Variants in COPS4 observed in about 807,000 individuals in gnomAD.
COPS4 encodes COP9 signalosome subunit 4.
Under a neutral mutation model 55.1 loss-of-function variants are expected in COPS4, and 8 were observed. That is an observed-to-expected ratio of 0.15 (90% CI 0.09 to 0.26). The LOEUF (loss-of-function observed/expected upper bound fraction) is 0.26, where lower values mean the gene tolerates loss of function less well. Ranked by LOEUF, COPS4 falls within the 10% of genes least tolerant of loss-of-function variation. The pLI is 1.00. For synonymous variants in COPS4, 185 were observed against 165.7 expected (o/e 1.12, Z -0.90); for missense variants, 248 against 484.0 (o/e 0.51, Z 4.58).
chr4:83,049,344 A>C, intron 3 of COPS4, 27 bp downstream of exon 3: 1 of 1,545,242 alleles, frequency 6.5e-7, no homozygotes, highest in South Asian at 1.2e-5. Flanking sequence ...GTGGTTTTTT[A>C]ACTTGAGATA....
chr4:83,075,190 C>T, intron 9 of COPS4, 107 bp from the exon 10 acceptor site: 1 of 910,712 alleles, frequency 1.1e-6, no homozygotes, highest in Non-Finnish European at 1.6e-6. Context: ...TTAAAAGGAA[C>T]ATGCCTCTTC....
At chr4:83,046,438 A>T (rs374251446) in intron 2 of COPS4, among the ~76,000 whole-genome samples, 1 of 152,240 alleles carries the variant, frequency 6.6e-6, no homozygotes, top group African/African-American at 2.4e-5. Context: ...CTGAGTATAT[A>T]TCCAAAAGAA....
Position 83,067,515 on chromosome 4 carries a change from C to T in COPS4, c.1003-923C>T, listed in dbSNP as rs746798409. On this transcript the variant is annotated intron_variant, in intron 8 of 9. Transcript: ENST00000264389. Reference sequence around the variant, plus strand: ...CTGGGATTACAAGTGTGAGTCACCACGCCCAGCCCTTTTTTTTTTTTTTTT... The same window carrying T: ...CTGGGATTACAAGTGTGAGTCACCATGCCCAGCCCTTTTTTTTTTTTTTTT... Among the ~76,000 whole-genome samples the T allele has an allele frequency of 1.1e-3, 167 of 145,916 alleles. 1 individual carries two copies. The highest frequency in any genetic ancestry group is 2.1e-3 in the Non-Finnish European group (140 of 67,336).
chr4:83,037,826 G>A (rs973363502), intron 1 of COPS4, among the ~76,000 whole-genome samples: 69 of 152,066 alleles, frequency 4.5e-4, no homozygotes, highest in Non-Finnish European at 3.4e-4. Flanking sequence ...TTCAATAAAC[G>A]TGGTTGAATT....
intron 1 of COPS4, 23 bp from the exon 2 acceptor site, chr4:83,045,603 A>G: frequency 6.4e-7 from 1 of 1,573,588 alleles, no homozygotes; most frequent in Non-Finnish European, 8.7e-7. Flanking sequence ...TCAGAACATT[A>G]TTTTCATTTG....
chr4:83,045,853 TA>T, intron 2 of COPS4, 148 bp downstream of exon 2: 1 of 562,472 alleles, frequency 1.8e-6, no homozygotes, highest in South Asian at 2.5e-5. Flanking sequence ...ACAACTTGAT[TA>T]ATTTTCAGTG....
intron 4 of COPS4, among the ~76,000 whole-genome samples, chr4:83,050,649 G>T (rs772312579): frequency 8.5e-5 from 13 of 152,102 alleles, no homozygotes; most frequent in Non-Finnish European, 1.6e-4. Context: ...GAGATGGCTA[G>T]TGCAAAGGCC....
intron 4 of COPS4, among the ~76,000 whole-genome samples, chr4:83,054,338 T>C (rs1036758768): frequency 6.6e-6 from 1 of 150,754 alleles, no homozygotes; most frequent in Non-Finnish European, 1.5e-5. Context: ...CGAGACTCCA[T>C]CTCAAAAACA....
rs758400816 is a variant in COPS4 at position 83,035,272 on chromosome 4, C to T, written c.48C>T (p.Ser16=). Residue 16 remains serine (S), a synonymous_variant, in exon 1 of 10, where the codon AGC becomes AGT. Coordinates refer to ENST00000264389, the MANE Select transcript of COPS4 (RefSeq NM_016129.3). ...RQDLAQLMNS[S]GSHKDLAGKY... The stretch of plus-strand genomic sequence containing the variant: ...ATTTGGCCCAGCTCATGAATTCGAG[C>T]GGCTCTCATAAAGATCTGGCTGGCA... The T allele has an allele frequency of 3.8e-6, 6 of 1,568,412 alleles. No individual in the cohort carries two copies. The African/African-American group carries it at 6.8e-5, about 18-fold the overall frequency.
intron 4 of COPS4, among the ~76,000 whole-genome samples, chr4:83,055,611 T>G (rs1730994419): frequency 2.0e-5 from 3 of 151,960 alleles, no homozygotes; most frequent in African/African-American, 7.2e-5. Flanking sequence ...GCCTGGCTAA[T>G]TTTTTTATTT....
chr4:83,051,726 T>G (rs114406276), intron 4 of COPS4, among the ~76,000 whole-genome samples: 1 of 152,222 alleles, frequency 6.6e-6, no homozygotes, highest in Non-Finnish European at 1.5e-5. Context: ...GGACTAGATA[T>G]ACATATTTGG....
rs748569335 is a variant in COPS4 at position 83,066,415 on chromosome 4, T to C, written c.887-23T>C. ...GAGTATAAAACTAGTTTCAAACTTG[T>C]AACTGTCTTATTTATGTTTAAGGTT... is the stretch of plus-strand genomic sequence containing the variant. On this transcript the variant is annotated intron_variant, in intron 7 of 9. Coordinates refer to ENST00000264389, the MANE Select transcript of COPS4 (RefSeq NM_016129.3). 6.4e-6 allele frequency: 8 copies of C among 1,248,858 alleles called. No individual in the cohort carries two copies. The African/African-American group carries it at 1.2e-4, about 19-fold the overall frequency. 77.4% of individuals were successfully genotyped at this position (1,248,858 alleles called of 1,614,324 possible).
chr4:83,041,052 T>C (rs1730555516), intron 1 of COPS4, among the ~76,000 whole-genome samples: 1 of 151,694 alleles, frequency 6.6e-6, no homozygotes, highest in South Asian at 2.1e-4. Flanking sequence ...CCATAAGTTT[T>C]TTTTTTTTGT....
At chr4:83,036,627 G>A (rs911483933) in intron 1 of COPS4, among the ~76,000 whole-genome samples, 1 of 152,176 alleles carries the variant, frequency 6.6e-6, no homozygotes, top group African/African-American at 2.4e-5. Flanking sequence ...CTTATATCAC[G>A]TAGAACAGTA....
intron 1 of COPS4, among the ~76,000 whole-genome samples, chr4:83,044,115 T>C (rs779249717): frequency 3.3e-5 from 5 of 152,244 alleles, no homozygotes; most frequent in Non-Finnish European, 7.3e-5. Context: ...ATTGCAATGC[T>C]ATGAGGTTTG....
In COPS4 at chr4:83,044,334, A is replaced by G. The variant is rs146412378; in HGVS notation, c.75-1292A>G. On this transcript the variant is annotated intron_variant, in intron 1 of 9. Transcript: ENST00000264389. ...GTGGTGCATGCCTGTAGTCCTCGCT[A>G]CTCTGGAGGCTGAGGCAGGAGAATT... 6.8e-3 allele frequency among the ~76,000 whole-genome samples: 1,032 copies of G among 151,008 alleles called. 10 individuals carry two copies. Among genetic ancestry groups the G allele is most frequent in the African/African-American group, 0.023 (962 of 41,066 alleles).
intron 2 of COPS4, among the ~76,000 whole-genome samples, chr4:83,046,320 T>G (rs112175236): frequency 5.4e-5 from 8 of 149,358 alleles, no homozygotes; most frequent in South Asian, 4.3e-4. Context: ...ATGAAATGCT[T>G]ATACACTGTT....
intron 2 of COPS4, among the ~76,000 whole-genome samples, chr4:83,046,541 G>A (rs1047408854): frequency 6.6e-6 from 1 of 152,172 alleles, no homozygotes; most frequent in Non-Finnish European, 1.5e-5. Context: ...TAACTTATGT[G>A]TGAATCAATA....
At chr4:83,042,077 C>T (rs1422267972) in intron 1 of COPS4, among the ~76,000 whole-genome samples, 1 of 151,764 alleles carries the variant, frequency 6.6e-6, no homozygotes, top group African/African-American at 2.4e-5. Flanking sequence ...GTTGGCCAGG[C>T]TGGTCTCGAA....
Sources: allele counts gnomAD v4.1 joint callset (sites outside exome capture counted in the v4.1 genomes callset), GRCh38; gene constraint gnomAD v4.1.1; transcripts MANE v1.5; gene names NCBI Gene and HGNC (gene_info 2026-07-23, HGNC 2026-07-21).